EGFR: variants seen among roughly 807,000 people sequenced by gnomAD.
The protein encoded by EGFR is epidermal growth factor receptor, also known as avian erythroblastic leukemia viral (v-erb-b) oncogene homolog.
Under a neutral mutation model 143.0 loss-of-function variants are expected in EGFR, and 58 were observed. That is an observed-to-expected ratio of 0.41 (90% CI 0.33 to 0.50). EGFR has a LOEUF of 0.50. EGFR is among the 20% of genes least tolerant of loss of function. The pLI is 0.39. For synonymous variants in EGFR, 613 were observed against 594.4 expected, an observed-to-expected ratio of 1.03 and a Z score of -0.45; for missense variants, 1,307 against 1,579.0, an observed-to-expected ratio of 0.83 and a Z score of 2.92.
At chr7:55,030,970 T>C (rs17288959) in intron 1 of EGFR, among the ~76,000 whole-genome samples, 1,605 of 152,336 alleles carry the variant, frequency 0.011, 34 homozygotes, top group African/African-American at 0.036. Context: ...AGAAGAAATT[T>C]CAAAATGCAG....
In EGFR at chr7:55,116,886, G is replaced by A. The variant is rs139318433; in HGVS notation, c.89-25400G>A. On this transcript the variant is annotated intron_variant, in intron 1 of 27. Transcript: ENST00000275493. ...CCATCATAGGAGAATACCACACTGC[G>A]TTCGTCCATTCTACCGCCAATGGAC... Among the ~76,000 whole-genome samples, 835 of 152,270 alleles carry A rather than the reference G, an allele frequency of 5.5e-3. 12 individuals carry two copies. The highest frequency in any genetic ancestry group is 0.031 in the Admixed American group (469 of 15,288).
At chr7:55,172,893 T>G (rs757749054) in intron 16 of EGFR, 90 bp from the exon 17 acceptor site, 11 of 1,611,890 alleles carry the variant, frequency 6.8e-6, no homozygotes, top group Non-Finnish European at 9.3e-6. Context: ...AAGATGTCAG[T>G]GCACTGAAAC....
intron 27 of EGFR, among the ~76,000 whole-genome samples, chr7:55,203,570 A>AC (rs1787964216): frequency 5.7e-5 from 1 of 17,670 alleles, no homozygotes; most frequent in Non-Finnish European, 1.5e-4. Flanking sequence ...CACACCACAC[A>AC]CACATACGCC....
chr7:55,088,112 C>A (rs1790876118), intron 1 of EGFR, among the ~76,000 whole-genome samples: 1 of 152,096 alleles, frequency 6.6e-6, no homozygotes, highest in Non-Finnish European at 1.5e-5. Context: ...CACACCTGCC[C>A]CAGTGCCCAT....
chr7:55,129,164 C>T (rs1793694945), intron 1 of EGFR, among the ~76,000 whole-genome samples: 1 of 152,192 alleles, frequency 6.6e-6, no homozygotes, highest in Non-Finnish European at 1.5e-5. Context: ...AGTGCTCATA[C>T]ATGAGAGAAA....
intron 1 of EGFR, among the ~76,000 whole-genome samples, chr7:55,029,811 C>T (rs560516536): frequency 9.2e-5 from 14 of 152,110 alleles, no homozygotes; most frequent in Admixed American, 2.0e-4. Flanking sequence ...CTAAACTAGA[C>T]GATCGTCAGA....
intron 1 of EGFR, among the ~76,000 whole-genome samples, chr7:55,091,101 T>C (rs1051393393): frequency 4.6e-5 from 7 of 152,208 alleles, no homozygotes; most frequent in Non-Finnish European, 1.0e-4. Flanking sequence ...TGGCAAGTGA[T>C]AGTGACAATA....
At chr7:55,184,317 C>T (rs1044389201) in intron 20 of EGFR, among the ~76,000 whole-genome samples, 2 of 152,184 alleles carry the variant, frequency 1.3e-5, no homozygotes, top group East Asian at 1.9e-4. Context: ...TCCTAATCTA[C>T]ATCTGTGCCA....
At chr7:55,038,987 A>G (rs1380645646) in intron 1 of EGFR, among the ~76,000 whole-genome samples, 1 of 151,846 alleles carries the variant, frequency 6.6e-6, no homozygotes, top group East Asian at 1.9e-4. Flanking sequence ...AGAGGAGGGT[A>G]GATCTGGTAC....
chr7:55,204,620 A>G lies in EGFR; in HGVS notation c.3272-636A>G, dbSNP rs373843473. 7.8e-5 allele frequency among the ~76,000 whole-genome samples: 11 copies of G among 141,484 alleles called. No homozygotes were observed. The East Asian group carries it at 2.1e-3, about 28-fold the overall frequency. The allele number at this position is 141,484 out of a possible 152,430, so 92.8% of individuals were successfully genotyped here. A position where few individuals can be genotyped will look rare whatever the true frequency, so the allele number is the denominator to read the frequency against. ...ACACACGTACACACACCACACACAC[A>G]CCACAGACACACACCACACATACAT... On this transcript the variant is annotated intron_variant, in intron 27 of 27. Transcript: ENST00000275493.
intron 1 of EGFR, among the ~76,000 whole-genome samples, chr7:55,036,467 G>T (rs1355734448): frequency 6.6e-6 from 1 of 152,032 alleles, no homozygotes; most frequent in Non-Finnish European, 1.5e-5. Flanking sequence ...AATTCAGGGA[G>T]TGCACACTTT....
chr7:55,075,282 C>T (rs1790072370), intron 1 of EGFR, among the ~76,000 whole-genome samples: 1 of 152,192 alleles, frequency 6.6e-6, no homozygotes, highest in South Asian at 2.1e-4. Flanking sequence ...TGAAGGCCTC[C>T]AGCTTCCTCC....
At chr7:55,153,167 C>T (rs1356110205) in intron 6 of EGFR, among the ~76,000 whole-genome samples, 3 of 152,206 alleles carry the variant, frequency 2.0e-5, no homozygotes, top group Admixed American at 6.5e-5. Context: ...ACGGATCCCT[C>T]GGCTCCTCCA....
chr7:55,156,374 T>A (rs181064350), intron 8 of EGFR, among the ~76,000 whole-genome samples, 159 bp from the exon 9 acceptor site: 2 of 152,292 alleles, frequency 1.3e-5, no homozygotes, highest in East Asian at 3.9e-4. Context: ...GCCTGCACTC[T>A]CCCCAGCCCC....
chr7:55,149,682 A>C (rs1562759548), intron 4 of EGFR, among the ~76,000 whole-genome samples: 1 of 152,230 alleles, frequency 6.6e-6, no homozygotes, highest in Non-Finnish European at 1.5e-5. Context: ...ATAAGAGAAA[A>C]AGAAATAATG....
At chr7:55,066,678 G>T (rs1158033161) in intron 1 of EGFR, among the ~76,000 whole-genome samples, 1 of 152,174 alleles carries the variant, frequency 6.6e-6, no homozygotes, top group Non-Finnish European at 1.5e-5. Flanking sequence ...CTGGGGTGGG[G>T]TGGGGTTCAC....
chr7:55,110,007 A>G (rs1792376888), intron 1 of EGFR: 1 of 932,742 alleles, frequency 1.1e-6, no homozygotes, highest in Non-Finnish European at 1.3e-6. Flanking sequence ...GAGAGATAAC[A>G]GCATAAACAC....
At chr7:55,145,614 T>C (rs899068963) in intron 3 of EGFR, among the ~76,000 whole-genome samples, 1 of 152,218 alleles carries the variant, frequency 6.6e-6, no homozygotes, top group African/African-American at 2.4e-5. Flanking sequence ...CTTTCCCACG[T>C]TGGTACTCTG....
At chr7:55,174,939 T>C (rs1786533331) in intron 19 of EGFR, 119 bp downstream of exon 19, 1 of 783,196 alleles carries the variant, frequency 1.3e-6, no homozygotes, top group Non-Finnish European at 2.2e-6. Context: ...AAATGTTCAC[T>C]TTCTATGTCT....
Sources: allele counts gnomAD v4.1 joint callset (sites outside exome capture counted in the v4.1 genomes callset), GRCh38; gene constraint gnomAD v4.1.1; transcripts MANE v1.5; gene names NCBI Gene and HGNC (gene_info 2026-07-23, HGNC 2026-07-21).